The following CNTLN variants were observed in gnomAD, a reference collection of about 807,000 sequenced individuals.
The protein encoded by CNTLN is centlein.
Under a neutral mutation model 180.0 loss-of-function variants are expected in CNTLN, and 212 were observed. That is an observed-to-expected ratio of 1.18 (90% CI 1.05 to 1.32). The LOEUF (loss-of-function observed/expected upper bound fraction) is 1.32. CNTLN is among the 40% of genes most tolerant of loss of function. CNTLN has a pLI of 0.00. For synonymous variants in CNTLN, 722 were observed against 563.1 expected (o/e 1.28, Z -3.99); for missense variants, 2,095 against 1,610.9 (o/e 1.30, Z -5.14).
intron 13 of CNTLN, among the ~76,000 whole-genome samples, chr9:17,381,787 C>T (rs932083819): frequency 3.9e-5 from 6 of 152,188 alleles, no homozygotes; most frequent in African/African-American, 1.4e-4. Context: ...AGTGCTTCAC[C>T]TTGAGGCAAT....
At chr9:17,274,291 C>G (rs1828147033) in intron 6 of CNTLN, among the ~76,000 whole-genome samples, 1 of 148,098 alleles carries the variant, frequency 6.8e-6, no homozygotes, top group Admixed American at 6.6e-5. Flanking sequence ...TTTTGTAATA[C>G]TATTCATAAA....
chr9:17,241,097 A>G (rs1825462198), intron 5 of CNTLN, among the ~76,000 whole-genome samples: 1 of 152,060 alleles, frequency 6.6e-6, no homozygotes, highest in Non-Finnish European at 1.5e-5. Context: ...TGACCTGGTG[A>G]TCCGCCCACC....
intron 6 of CNTLN, among the ~76,000 whole-genome samples, chr9:17,291,530 C>G (rs916919230): frequency 6.6e-6 from 1 of 152,146 alleles, no homozygotes; most frequent in East Asian, 1.9e-4. Flanking sequence ...TAGCAGTTCA[C>G]ATTGAATTGA....
At chr9:17,274,955 T>G (rs1468852088) in intron 6 of CNTLN, among the ~76,000 whole-genome samples, 1 of 152,122 alleles carries the variant, frequency 6.6e-6, no homozygotes, top group Admixed American at 6.5e-5. Flanking sequence ...AACAGATTCC[T>G]TGTATCACAT....
intron 9 of CNTLN, among the ~76,000 whole-genome samples, chr9:17,331,487 A>T (rs961385293): frequency 6.6e-6 from 1 of 151,926 alleles, no homozygotes; most frequent in African/African-American, 2.4e-5. Flanking sequence ...TTGAAATAAC[A>T]TTTTCCTCAG....
At chr9:17,518,461 G>C in the CNTLN span, among the ~76,000 whole-genome samples, 1 of 152,030 alleles carries the variant, frequency 6.6e-6, no homozygotes, top group Non-Finnish European at 1.5e-5. Flanking sequence ...CTCCTTCCAA[G>C]AATTCCAAAT....
intron 2 of CNTLN, among the ~76,000 whole-genome samples, chr9:17,218,678 C>T (rs186063767): frequency 7.9e-5 from 12 of 152,154 alleles, no homozygotes; most frequent in Non-Finnish European, 1.8e-4. Flanking sequence ...TGAAAGAAAA[C>T]GTTAGTCCAA....
chr9:17,345,173 C>T (rs1379060713), intron 12 of CNTLN, among the ~76,000 whole-genome samples: 1 of 152,082 alleles, frequency 6.6e-6, no homozygotes, highest in African/African-American at 2.4e-5. Context: ...CTGCTATAGA[C>T]AGGTTTTTGT....
intron 7 of CNTLN, chr9:17,298,986 G>A (rs937338479): frequency 1.6e-4 from 155 of 963,230 alleles, no homozygotes; most frequent in Non-Finnish European, 1.9e-4. Context: ...GCTCATGCCT[G>A]TAATCCCAGC....
chr9:17,491,484 TGG>T (rs1371783533), intron 25 of CNTLN, among the ~76,000 whole-genome samples: 2 of 152,134 alleles, frequency 1.3e-5, no homozygotes, highest in Non-Finnish European at 1.5e-5. Flanking sequence ...AACCAGAGTG[TGG>T]GTCTTTACTA....
At chr9:17,426,343 G>A (rs1228015608) in intron 18 of CNTLN, among the ~76,000 whole-genome samples, 1 of 152,130 alleles carries the variant, frequency 6.6e-6, no homozygotes, top group Non-Finnish European at 1.5e-5. Context: ...TGGTTTTAAA[G>A]AGAAAGAAAG....
At chr9:17,231,410 T>A (rs972171566) in intron 3 of CNTLN, among the ~76,000 whole-genome samples, 1 of 152,082 alleles carries the variant, frequency 6.6e-6, no homozygotes, top group African/African-American at 2.4e-5. Flanking sequence ...ATTATTAGTA[T>A]AAAGAATTGC....
rs565724144 is a variant in CNTLN, at chr9:17,309,011, TAG to T, written c.1147-46_1147-45del. 2.5e-3 allele frequency: 3,159 copies of T among 1,283,376 alleles called. 18 individuals carry two copies. The highest frequency in any genetic ancestry group is 0.017 in the African/African-American group (1,114 of 66,534). 79.5% of individuals were successfully genotyped at this position (1,283,376 alleles called of 1,614,324 possible). A position where few individuals can be genotyped will look rare whatever the true frequency, so the allele number is the denominator to read the frequency against. On this transcript the variant is annotated intron_variant, in intron 7 of 25. Transcript: ENST00000380647. ...ACACACACACAGACACACAGACACA[TAG>T]TTTTATTGATTATTAATATAATTTG...
At chr9:17,264,092 G>A (rs1280170129) in intron 5 of CNTLN, among the ~76,000 whole-genome samples, 1 of 144,756 alleles carries the variant, frequency 6.9e-6, no homozygotes, top group Admixed American at 6.8e-5. Context: ...CATTGCTTTT[G>A]TTGTTTCAGA....
intron 2 of CNTLN, among the ~76,000 whole-genome samples, chr9:17,146,636 T>A (rs1287787266): frequency 2.0e-5 from 3 of 152,192 alleles, no homozygotes; most frequent in South Asian, 2.1e-4. Context: ...GGTGCCTTGA[T>A]CTTGGACTTT....
At chr9:17,351,282 A>G (rs1179176936) in intron 12 of CNTLN, among the ~76,000 whole-genome samples, 1 of 152,214 alleles carries the variant, frequency 6.6e-6, no homozygotes, top group Non-Finnish European at 1.5e-5. Context: ...TGCCTATGAC[A>G]ATGTCATCTA....
At chr9:17,154,201 G>A (rs1452344278) in intron 2 of CNTLN, among the ~76,000 whole-genome samples, 1 of 152,152 alleles carries the variant, frequency 6.6e-6, no homozygotes, top group Non-Finnish European at 1.5e-5. Context: ...TCCCTTGCTG[G>A]CGAGGAGTTG....
chr9:17,526,036 C>T, the CNTLN span, among the ~76,000 whole-genome samples: 1 of 151,984 alleles, frequency 6.6e-6, no homozygotes, highest in Non-Finnish European at 1.5e-5. Flanking sequence ...CCCGGGTTCA[C>T]GCCATTCTCC....
chr9:17,357,137 A>T (rs1822910818), intron 12 of CNTLN, among the ~76,000 whole-genome samples: 1 of 151,912 alleles, frequency 6.6e-6, no homozygotes, highest in Admixed American at 6.6e-5. Context: ...GGATTATTTC[A>T]TTTACTATTT....
Sources: allele counts gnomAD v4.1 joint callset (sites outside exome capture counted in the v4.1 genomes callset), GRCh38; gene constraint gnomAD v4.1.1; transcripts MANE v1.5; gene names NCBI Gene and HGNC (gene_info 2026-07-23, HGNC 2026-07-21).